Variants in PAPSS1 observed in about 807,000 individuals in gnomAD.
The protein encoded by PAPSS1 is 3'-phosphoadenosine 5'-phosphosulfate synthase 1.
In PAPSS1, 50 loss-of-function variants were observed where a neutral mutation model predicts 72.0. The observed-to-expected ratio is 0.69, with a 90% CI of 0.55 to 0.88. PAPSS1 has a LOEUF of 0.88. Ranked by LOEUF, PAPSS1 falls within the 40% of genes least tolerant of loss-of-function variation. The pLI is 0.00. For synonymous variants in PAPSS1, 261 were observed against 263.6 expected (o/e 0.99, Z 0.09); for missense variants, 657 against 782.2 (o/e 0.84, Z 1.91).
rs768024139 is a variant in PAPSS1, at chr4:107,718,082, G to A, written c.60+2038C>T. 3.3e-5 allele frequency among the ~76,000 whole-genome samples: 5 copies of A among 152,246 alleles called. No homozygotes were observed. The East Asian group carries it at 9.7e-4, about 29-fold the overall frequency. On this transcript the variant is annotated intron_variant, in intron 1 of 11. Transcript: ENST00000265174. Reference sequence around the variant, plus strand: ...CTACCAGGGTCTACATTTCTTCAGCGGAACATTCTTCCTGGATTACCAATT... The same window carrying A: ...CTACCAGGGTCTACATTTCTTCAGCAGAACATTCTTCCTGGATTACCAATT...
chr4:107,690,857 T>G (rs997785156), intron 3 of PAPSS1, among the ~76,000 whole-genome samples: 17 of 152,104 alleles, frequency 1.1e-4, no homozygotes, highest in African/African-American at 4.1e-4. Context: ...GATACCCAGG[T>G]GTCGGCTGAT....
chr4:107,621,609 T>C (rs962035555), intron 11 of PAPSS1, among the ~76,000 whole-genome samples: 2 of 47,128 alleles, frequency 4.2e-5, no homozygotes, highest in African/African-American at 1.5e-4. Flanking sequence ...GTTTTTTATC[T>C]TTTTTTTTTT....
Position 107,616,098 on chromosome 4 carries a change from G to C in PAPSS1, c.1737-1711C>G, listed in dbSNP as rs550425459. On this transcript the variant is annotated intron_variant, in intron 11 of 11. Transcript: ENST00000265174. ...TAGAAAATAGAGAGAGAGAGAGAGA[G>C]AGTGTGTGTGCACATAAAGAAATAT... is the stretch of plus-strand genomic sequence containing the variant. Among the ~76,000 whole-genome samples the C allele has an allele frequency of 1.2e-4, 18 of 151,912 alleles. No individual in the cohort carries two copies. The South Asian group carries it at 3.5e-3, about 30-fold the overall frequency.
intron 4 of PAPSS1, among the ~76,000 whole-genome samples, chr4:107,684,915 T>A (rs1722732806): frequency 6.6e-6 from 1 of 152,140 alleles, no homozygotes; most frequent in Admixed American, 6.6e-5. Context: ...TCAAAAATTT[T>A]TTTTTTTTTA....
intron 9 of PAPSS1, among the ~76,000 whole-genome samples, chr4:107,648,521 C>T (rs777099091): frequency 1.6e-4 from 24 of 152,210 alleles, no homozygotes; most frequent in Non-Finnish European, 3.5e-4. Flanking sequence ...CAGCCAGAGC[C>T]CCAGTATCCA....
intron 4 of PAPSS1, among the ~76,000 whole-genome samples, chr4:107,684,245 C>A (rs537743339): frequency 5.5e-4 from 83 of 152,262 alleles, no homozygotes; most frequent in African/African-American, 1.9e-3. Context: ...AAATTCCTAT[C>A]TAAGGGGCCT....
intron 9 of PAPSS1, among the ~76,000 whole-genome samples, chr4:107,652,209 A>G (rs1357279475): frequency 6.6e-6 from 1 of 152,240 alleles, no homozygotes; most frequent in Admixed American, 6.5e-5. Flanking sequence ...AAAAGAGAGC[A>G]GCACCAGTGC....
At chr4:107,668,332 G>GCCTA (rs1329150825) in intron 5 of PAPSS1, among the ~76,000 whole-genome samples, 1 of 152,166 alleles carries the variant, frequency 6.6e-6, no homozygotes, top group African/African-American at 2.4e-5. Flanking sequence ...CTAACACAGG[G>GCCTA]CCTAGCACAC....
At chr4:107,628,723 C>T (rs1186540261) in intron 11 of PAPSS1, among the ~76,000 whole-genome samples, 1 of 152,156 alleles carries the variant, frequency 6.6e-6, no homozygotes, top group Non-Finnish European at 1.5e-5. Context: ...GTACAAGTAC[C>T]TACTAAGGTG....
At chr4:107,659,733 A>G (rs1162460206) in intron 6 of PAPSS1, among the ~76,000 whole-genome samples, 1 of 152,170 alleles carries the variant, frequency 6.6e-6, no homozygotes, top group Non-Finnish European at 1.5e-5. Context: ...GTTCAAAATA[A>G]ATAAGTATTA....
intron 10 of PAPSS1, among the ~76,000 whole-genome samples, chr4:107,634,215 C>T (rs1314542779): frequency 6.6e-6 from 1 of 151,982 alleles, no homozygotes; most frequent in East Asian, 1.9e-4. Context: ...AAGGTCTTGC[C>T]ATGTTCCCCA....
At chr4:107,653,116 T>TACATATGA (rs1726896994) in intron 9 of PAPSS1, among the ~76,000 whole-genome samples, 8 of 143,758 alleles carry the variant, frequency 5.6e-5, no homozygotes, top group Admixed American at 3.6e-4. Context: ...TATATATGAA[T>TACATATGA]ATATACATGA....
chr4:107,637,763 T>C (rs1419120178), intron 10 of PAPSS1, among the ~76,000 whole-genome samples: 1 of 152,214 alleles, frequency 6.6e-6, no homozygotes, highest in African/African-American at 2.4e-5. Context: ...TAGTAAATGT[T>C]TGAATATTAT....
rs6842107 is a variant in PAPSS1 at position 107,660,437 on chromosome 4, C to T, written c.670-365G>A. On this transcript the variant is annotated intron_variant, in intron 5 of 11. Coordinates refer to ENST00000265174, the MANE Select transcript of PAPSS1 (RefSeq NM_005443.5). ...CATCCTTATTATCTTTACCATATCACGAAACCATTTTATTCCAGCTTTTAT... is the reference window on the plus strand; with the variant it reads ...CATCCTTATTATCTTTACCATATCATGAAACCATTTTATTCCAGCTTTTAT... 4.1e-3 allele frequency among the ~76,000 whole-genome samples: 630 copies of T among 152,256 alleles called. 9 individuals carry two copies. The highest frequency in any genetic ancestry group is 0.014 in the African/African-American group (589 of 41,556).
intron 5 of PAPSS1, among the ~76,000 whole-genome samples, chr4:107,666,764 C>G (rs758649413): frequency 3.9e-5 from 6 of 152,198 alleles, no homozygotes; most frequent in Non-Finnish European, 8.8e-5. Flanking sequence ...ACTCTACTTA[C>G]CACTATTTTT....
At chr4:107,703,938 T>C (rs1207539797) in intron 1 of PAPSS1, among the ~76,000 whole-genome samples, 2 of 152,218 alleles carry the variant, frequency 1.3e-5, no homozygotes, top group Non-Finnish European at 2.9e-5. Flanking sequence ...TCACTTTAAG[T>C]AGTATGGACA....
intron 5 of PAPSS1, among the ~76,000 whole-genome samples, chr4:107,668,993 TC>T: frequency 6.6e-6 from 1 of 152,292 alleles, no homozygotes; most frequent in East Asian, 1.9e-4. Context: ...TGGTTATTAT[TC>T]CTTGCTTTAA....
intron 4 of PAPSS1, among the ~76,000 whole-genome samples, chr4:107,684,924 T>C (rs76791685): frequency 6.6e-6 from 1 of 152,100 alleles, no homozygotes; most frequent in Non-Finnish European, 1.5e-5. Flanking sequence ...TTTTTTTTTT[T>C]AGATGGAGTC....
At chr4:107,666,926 C>T (rs1382966979) in intron 5 of PAPSS1, among the ~76,000 whole-genome samples, 1 of 152,120 alleles carries the variant, frequency 6.6e-6, no homozygotes, top group Non-Finnish European at 1.5e-5. Flanking sequence ...TCCTAACACC[C>T]TTGAAATCCC....
Sources: gnomAD v4.1 joint callset for allele counts (sites outside exome capture counted in the v4.1 genomes callset) on GRCh38, gnomAD v4.1.1 for gene constraint, MANE v1.5 for transcripts, NCBI Gene and HGNC (gene_info 2026-07-23, HGNC 2026-07-21) for gene names.